Variants in THRB observed in about 807,000 individuals in gnomAD.
THRB encodes nuclear receptor subfamily 1 group A member 2.
In THRB, 12 loss-of-function variants were observed where a neutral mutation model predicts 47.8. The observed-to-expected ratio is 0.25, with a 90% confidence interval of 0.16 to 0.41. The LOEUF (loss-of-function observed/expected upper bound fraction) is 0.41. THRB is among the 10% of genes least tolerant of loss of function. The probability of loss-of-function intolerance (pLI) is 1.00; values close to 1 mark genes in which losing one functional copy is unlikely to be tolerated. For missense variants in THRB, 348 were observed against 589.2 expected (o/e 0.59, Z 4.24); for synonymous variants, 218 against 212.2 (o/e 1.03, Z -0.24).
intron 3 of THRB, among the ~76,000 whole-genome samples, chr3:24,287,823 C>G (rs953533658): frequency 2.0e-5 from 3 of 152,148 alleles, no homozygotes; most frequent in Non-Finnish European, 4.4e-5. Context: ...TTTCTATTGT[C>G]AAATGATAAA....
chr3:24,276,976 A>T (rs1026706500), intron 3 of THRB, among the ~76,000 whole-genome samples: 15 of 152,222 alleles, frequency 9.9e-5, no homozygotes, highest in Non-Finnish European at 2.2e-4. Context: ...AACTACTTAA[A>T]ATATTTAAGT....
At chr3:24,390,148 AG>A (rs1203194630) in intron 1 of THRB, among the ~76,000 whole-genome samples, 4 of 152,104 alleles carry the variant, frequency 2.6e-5, no homozygotes, top group Non-Finnish European at 4.4e-5. Flanking sequence ...TGCCAGAGGA[AG>A]GGGGAAAAAG....
intron 1 of THRB, among the ~76,000 whole-genome samples, chr3:24,347,029 C>G (rs1286306595): frequency 2.6e-5 from 4 of 151,816 alleles, no homozygotes; most frequent in Non-Finnish European, 5.9e-5. Context: ...TTTCAAAGAT[C>G]AAAAATCAAA....
At chr3:24,474,929 T>C (rs1363721380) in intron 1 of THRB, among the ~76,000 whole-genome samples, 11 of 152,254 alleles carry the variant, frequency 7.2e-5, no homozygotes, top group Non-Finnish European at 5.9e-5. Flanking sequence ...GTAGGTAGGA[T>C]AATGACTTAA....
chr3:24,361,999 T>C (rs1405173817), intron 1 of THRB, among the ~76,000 whole-genome samples: 1 of 152,166 alleles, frequency 6.6e-6, no homozygotes. Context: ...GTAATATTGA[T>C]GATGTTACTT....
At chr3:24,447,491 G>A (rs959492988) in intron 1 of THRB, among the ~76,000 whole-genome samples, 3 of 152,034 alleles carry the variant, frequency 2.0e-5, no homozygotes, top group Admixed American at 6.6e-5. Context: ...TTGTTTCATC[G>A]TGTCCTGTTA....
At chr3:24,236,067 C>T (rs1238532148) in intron 3 of THRB, among the ~76,000 whole-genome samples, 4 of 152,126 alleles carry the variant, frequency 2.6e-5, no homozygotes, top group African/African-American at 9.7e-5. Context: ...GGGCTGCACC[C>T]ATGCTAGGAG....
rs542380317 is a variant in THRB at position 24,240,215 on chromosome 3, T to G, written c.-42-11214A>C. ...CTAAAGGTGCCATTAAAAAGTTTCA[T>G]ACAGCCAAGTGAGTCGGCCTGGCTT... On this transcript the variant is annotated intron_variant, in intron 3 of 10. Coordinates refer to ENST00000646209, the MANE Select transcript of THRB (RefSeq NM_001354712.2). 4.6e-5 allele frequency among the ~76,000 whole-genome samples: 7 copies of G among 152,276 alleles called. 1 individual carries two copies. The highest frequency in any genetic ancestry group is 3.9e-4 in the Admixed American group (6 of 15,300).
intron 3 of THRB, among the ~76,000 whole-genome samples, chr3:24,285,517 G>A (rs1425067951): frequency 6.6e-6 from 1 of 150,574 alleles, no homozygotes; most frequent in Admixed American, 6.6e-5. Flanking sequence ...CACCAGCATG[G>A]CACATGTATA....
At chr3:24,250,533 C>T (rs1037950654) in intron 3 of THRB, among the ~76,000 whole-genome samples, 1 of 151,986 alleles carries the variant, frequency 6.6e-6, no homozygotes, top group African/African-American at 2.4e-5. Context: ...CTCATCTCTA[C>T]AAAAATTTTA....
intron 1 of THRB, among the ~76,000 whole-genome samples, chr3:24,394,310 G>T (rs1295981916): frequency 6.6e-6 from 1 of 152,188 alleles, no homozygotes; most frequent in South Asian, 2.1e-4. Context: ...GAAGTACAGA[G>T]GCCATTTGTG....
chr3:24,432,211 A>G (rs112835317), intron 1 of THRB, among the ~76,000 whole-genome samples: 129 of 152,250 alleles, frequency 8.5e-4, no homozygotes, highest in African/African-American at 2.9e-3. Context: ...AAGGAAAGAA[A>G]AGAAAAAGAG....
At chr3:24,189,539 C>A (rs1700943) in intron 5 of THRB, among the ~76,000 whole-genome samples, 1 of 151,918 alleles carries the variant, frequency 6.6e-6, no homozygotes, top group Non-Finnish European at 1.5e-5. Context: ...GCCTTATGAG[C>A]TGACAACCTC....
At chr3:24,211,222 G>A (rs1216272997) in intron 4 of THRB, among the ~76,000 whole-genome samples, 1 of 151,712 alleles carries the variant, frequency 6.6e-6, no homozygotes, top group African/African-American at 2.4e-5. Context: ...AAGATGGTGG[G>A]ATTTATAAAG....
intron 8 of THRB, among the ~76,000 whole-genome samples, chr3:24,136,048 A>G (rs1256034018): frequency 6.6e-6 from 1 of 151,810 alleles, no homozygotes; most frequent in East Asian, 1.9e-4. Flanking sequence ...GTGGGTTAAT[A>G]CTGATGTTAA....
At chr3:24,391,782 C>T (rs1463772316) in intron 1 of THRB, among the ~76,000 whole-genome samples, 3 of 152,144 alleles carry the variant, frequency 2.0e-5, no homozygotes, top group Non-Finnish European at 4.4e-5. Flanking sequence ...CCATCATTGT[C>T]ATCATCATCA....
intron 1 of THRB, among the ~76,000 whole-genome samples, chr3:24,405,310 A>T (rs2067732289): frequency 6.6e-6 from 1 of 151,944 alleles, no homozygotes; most frequent in African/African-American, 2.4e-5. Flanking sequence ...TTCACAAATA[A>T]AGTTTTACTG....
chr3:24,261,650 TC>T (rs2052047826), intron 3 of THRB, among the ~76,000 whole-genome samples: 1 of 152,136 alleles, frequency 6.6e-6, no homozygotes, highest in Non-Finnish European at 1.5e-5. Context: ...TGAAAGTTTC[TC>T]CAATCAGACT....
intron 9 of THRB, among the ~76,000 whole-genome samples, chr3:24,131,892 C>T (rs2033913299): frequency 1.3e-5 from 2 of 152,172 alleles, no homozygotes; most frequent in South Asian, 4.1e-4. Flanking sequence ...AGACACCTGG[C>T]CCCCACCACA....
Sources: allele counts gnomAD v4.1 joint callset (sites outside exome capture counted in the v4.1 genomes callset), GRCh38; gene constraint gnomAD v4.1.1; transcripts MANE v1.5; gene names NCBI Gene and HGNC (gene_info 2026-07-23, HGNC 2026-07-21).